ITGA11: variants seen among roughly 807,000 people sequenced by gnomAD.
ITGA11 encodes the protein integrin subunit alpha 11.
In ITGA11, 97 loss-of-function variants were observed where a neutral mutation model predicts 141.9. That is an observed-to-expected ratio of 0.68 (90% CI 0.58 to 0.81). ITGA11 has a LOEUF of 0.81. Among genes scored for constraint, ITGA11 ranks in the 30% least tolerant of loss-of-function variants. The pLI is 0.00. For missense variants in ITGA11, 1,387 were observed against 1,559.2 expected, an observed-to-expected ratio of 0.89 and a Z score of 1.86; for synonymous variants, 658 against 624.6, an observed-to-expected ratio of 1.05 and a Z score of -0.80.
Position 68,303,356 on chromosome 15 carries a change from T to C in ITGA11, c.3496-226A>G, listed in dbSNP as rs74023107. 0.019 allele frequency among the ~76,000 whole-genome samples: 2,964 copies of C among 152,234 alleles called. 75 individuals carry two copies. Among genetic ancestry groups the C allele is most frequent in the African/African-American group, 0.063 (2,596 of 41,534 alleles). On this transcript the variant is annotated intron_variant, in intron 29 of 29. Transcript: ENST00000315757. The surrounding 1 kb of genome is among the most constrained non-coding windows in gnomAD (Gnocchi z 5.3). Reference sequence around the variant, plus strand: ...AGTCATACTAGTGCCCATCTTGCTGTGTGACCAGCCCCAGCCAACATCCCT... The same window carrying C: ...AGTCATACTAGTGCCCATCTTGCTGCGTGACCAGCCCCAGCCAACATCCCT...
rs1389059752 is a variant in ITGA11 at position 68,308,015 on chromosome 15, A to C, written c.3175-319T>G. 6.6e-6 allele frequency among the ~76,000 whole-genome samples: 1 copy of C among 152,228 alleles called. No individual in the cohort carries two copies. Among genetic ancestry groups the C allele is most frequent in the Non-Finnish European group, 1.5e-5 (1 of 68,038 alleles). Reference sequence around the variant, plus strand: ...CACCATATAAACACATTAAGATAAAAAATTCTATGATCGCTGCAACAGATG... The same window carrying C: ...CACCATATAAACACATTAAGATAAACAATTCTATGATCGCTGCAACAGATG... On this transcript the variant is annotated intron_variant, in intron 26 of 29. Coordinates refer to ENST00000315757, the MANE Select transcript of ITGA11 (RefSeq NM_001004439.2). The surrounding 1 kb of genome is among the most constrained non-coding windows in gnomAD (Gnocchi z 5.2).
chr15:68,359,161 A>T (rs766816756), intron 5 of ITGA11, among the ~76,000 whole-genome samples: 9 of 152,198 alleles, frequency 5.9e-5, no homozygotes, highest in Non-Finnish European at 1.3e-4. Flanking sequence ...TAATGAGAAG[A>T]TGCTTCTAAA....
At chr15:68,352,437 C>T (rs1894943972) in intron 7 of ITGA11, among the ~76,000 whole-genome samples, 1 of 152,120 alleles carries the variant, frequency 6.6e-6, no homozygotes, top group African/African-American at 2.4e-5. Flanking sequence ...AAGTGATCTG[C>T]CCGCCTCTGC....
chr15:68,311,179 C>T (rs978165837), intron 25 of ITGA11, 99 bp from the exon 26 acceptor site: 21 of 1,276,412 alleles, frequency 1.6e-5, no homozygotes, highest in East Asian at 2.5e-5. Flanking sequence ...CTCCTCTAGC[C>T]GTGGTCCTGG....
chr15:68,410,700 G>C (rs535110393), intron 1 of ITGA11, among the ~76,000 whole-genome samples: 1 of 152,334 alleles, frequency 6.6e-6, no homozygotes, highest in South Asian at 2.1e-4. Flanking sequence ...TCATTTCAAA[G>C]AGGCATCTAG....
intron 1 of ITGA11, among the ~76,000 whole-genome samples, chr15:68,416,433 G>A (rs1366080289): frequency 6.6e-6 from 1 of 152,194 alleles, no homozygotes; most frequent in African/African-American, 2.4e-5. Context: ...AGCCTCGGCA[G>A]TCCTTTGTAT....
At position 68,325,928 on chromosome 15, in the gene ITGA11, C is replaced by CA. The variant is rs1567129675; in HGVS notation, c.2212-688_2212-687insT. 4.6e-5 allele frequency among the ~76,000 whole-genome samples: 7 copies of CA among 152,060 alleles called. No homozygotes were observed. Among genetic ancestry groups the CA allele is most frequent in the African/African-American group, 7.2e-5 (3 of 41,388 alleles). ...CTTGTTAAAACACAGGGTGCTGGCG[C>CA]CAGCCCCAGCCCCAGCCCCAGAGTT... On this transcript the variant is annotated intron_variant, in intron 17 of 29. Transcript: ENST00000315757. The surrounding 1 kb of genome is among the most constrained non-coding windows in gnomAD (Gnocchi z 5.5).
At chr15:68,348,756 G>T in intron 10 of ITGA11, 74 bp downstream of exon 10, 1 of 1,323,542 alleles carries the variant, frequency 7.6e-7, no homozygotes, top group South Asian at 1.3e-5. Context: ...GACAGATCCA[G>T]AGAGCTAGAA....
Position 68,350,763 on chromosome 15 carries a change from C to A in ITGA11, c.914G>T (p.Arg305Leu). 6.2e-7 allele frequency: 1 copy of A among 1,613,168 alleles called. No individual in the cohort carries two copies. The highest frequency in any genetic ancestry group is 1.3e-5 in the African/African-American group (1 of 75,028). ...YAVAVLGYYNRRGINPETFLN... is the reference protein window; with the variant it reads ...YAVAVLGYYNLRGINPETFLN... ...AAAAGTTTCTGGATTGATCCCCCTG[C>A]GGTTGTAGTAGCCCAGGACCTGCCA... Residue 305 changes from arginine to leucine, a missense_variant, in exon 9 of 30, where the codon CGC becomes CTC. Transcript: ENST00000315757.
rs764637683 is a variant in ITGA11, at chr15:68,311,067, C to T, written c.3101G>A (p.Cys1034Tyr). ...CTCAGTGCTATTGCCCCAGATGTTA[C>T]AGGACGTGTTCGCCTACATAAAGGA... ...DFLTDEANTSCNIWGNSTEYR... is the reference protein window; with the variant it reads ...DFLTDEANTSYNIWGNSTEYR... The change falls in exon 26 of 30, where the codon TGT (cysteine) becomes TAT (tyrosine). Residue 1034 changes from cysteine to tyrosine, a missense_variant. Coordinates refer to ENST00000315757, the MANE Select transcript of ITGA11 (RefSeq NM_001004439.2). 1.9e-6 allele frequency: 3 copies of T among 1,607,884 alleles called. No homozygotes were observed. Among genetic ancestry groups the T allele is most frequent in the South Asian group, 1.1e-5 (1 of 89,602 alleles).
chr15:68,312,577 G>A (rs1008083592), intron 24 of ITGA11, among the ~76,000 whole-genome samples, 196 bp downstream of exon 24: 1 of 152,178 alleles, frequency 6.6e-6, no homozygotes, highest in African/African-American at 2.4e-5. Flanking sequence ...ATCCCCCACT[G>A]CAGTCCAGTT....
intron 19 of ITGA11, among the ~76,000 whole-genome samples, chr15:68,320,628 C>T (rs968137027): frequency 3.9e-5 from 6 of 152,204 alleles, no homozygotes; most frequent in South Asian, 2.1e-4. Flanking sequence ...TCATACCCTC[C>T]GCTGAACCCA....
intron 10 of ITGA11, among the ~76,000 whole-genome samples, chr15:68,342,474 G>C (rs996535830): frequency 6.6e-6 from 1 of 152,216 alleles, no homozygotes; most frequent in Non-Finnish European, 1.5e-5. Flanking sequence ...CCCAAAGGAC[G>C]TTGTAGCCCT....
intron 1 of ITGA11, among the ~76,000 whole-genome samples, chr15:68,422,726 C>A (rs1030188740): frequency 6.6e-6 from 1 of 152,192 alleles, no homozygotes; most frequent in Admixed American, 6.5e-5. Flanking sequence ...CGGCATCCTG[C>A]CCACCAAACC....
Position 68,369,386 on chromosome 15 carries a change from G to T in ITGA11, c.165-102C>A. 3.5e-6 allele frequency: 2 copies of T among 564,112 alleles called. 1 individual carries two copies. The highest frequency in any genetic ancestry group is 6.5e-6 in the Non-Finnish European group (2 of 308,724). The allele number at this position is 564,112 out of a possible 1,614,324, so 34.9% of individuals were successfully genotyped here. A position where few individuals can be genotyped will look rare whatever the true frequency, so the allele number is the denominator to read the frequency against. ...GTGTGGAGGTGAAGTTGGGTGGGGA[G>T]GGTGGGAGGGAACCCTGGAGGTGTG... On this transcript the variant is annotated intron_variant, in intron 2 of 29. Transcript: ENST00000315757.
chr15:68,341,506 A>G (rs1434679197), intron 10 of ITGA11, among the ~76,000 whole-genome samples: 1 of 152,240 alleles, frequency 6.6e-6, no homozygotes, highest in Non-Finnish European at 1.5e-5. Context: ...AGCAAGTCAG[A>G]GGCAGGGCTG....
intron 1 of ITGA11, among the ~76,000 whole-genome samples, chr15:68,416,451 T>C (rs1478262310): frequency 6.6e-6 from 1 of 152,206 alleles, no homozygotes; most frequent in East Asian, 1.9e-4. Context: ...TATCTTTTTC[T>C]GAGAACTCAG....
intron 11 of ITGA11, among the ~76,000 whole-genome samples, chr15:68,336,710 G>C (rs1894371810): frequency 6.6e-6 from 1 of 152,202 alleles, no homozygotes; most frequent in Admixed American, 6.5e-5. Context: ...ATGAGTGTTG[G>C]ACTTTGTTGA....
chr15:68,356,954 G>A (rs1430248449), intron 7 of ITGA11, 197 bp downstream of exon 7: 1 of 574,550 alleles, frequency 1.7e-6, no homozygotes, highest in Non-Finnish European at 3.0e-6. Flanking sequence ...AGCCCAAGGT[G>A]ACACCAGACT....
Sources: gnomAD v4.1 joint callset for allele counts (sites outside exome capture counted in the v4.1 genomes callset) on GRCh38, gnomAD v4.1.1 for gene constraint, Gnocchi (gnomAD v3.1) non-coding constraint, MANE v1.5 for transcripts, NCBI Gene and HGNC (gene_info 2026-07-23, HGNC 2026-07-21) for gene names.